The following ANK1 variants were observed in gnomAD, a reference collection of about 807,000 sequenced individuals.
ANK1 encodes the protein ankyrin-1.
A neutral mutation model predicts 210.4 loss-of-function variants in ANK1; 51 were observed. The ratio of observed to expected loss-of-function variants is 0.24; its 90% CI spans 0.19 to 0.31. The LOEUF is 0.31. Ranked by LOEUF, ANK1 falls within the 10% of genes least tolerant of loss-of-function variation. The pLI is 1.00. For synonymous variants in ANK1, 967 were observed against 1,025.9 expected, an observed-to-expected ratio of 0.94 and a Z score of 1.10; for missense variants, 2,051 against 2,504.4, an observed-to-expected ratio of 0.82 and a Z score of 3.86.
At chr8:41,741,494 C>T (rs477541) in intron 2 of ANK1, among the ~76,000 whole-genome samples, 1 of 151,510 alleles carries the variant, frequency 6.6e-6, no homozygotes, top group African/African-American at 2.4e-5. Context: ...GTGGGAGGAT[C>T]CCTTGAGCCC....
intron 8 of ANK1, 88 bp from the exon 9 acceptor site, chr8:41,723,311 GC>G: frequency 7.1e-7 from 1 of 1,407,050 alleles, no homozygotes; most frequent in Non-Finnish European, 1.0e-6. Context: ...CATCATCCCA[GC>G]CCACGCAAGT....
At chr8:41,803,068 G>GA (rs1563810835) in intron 1 of ANK1, among the ~76,000 whole-genome samples, 4 of 63,122 alleles carry the variant, frequency 6.3e-5, no homozygotes, top group African/African-American at 2.9e-4. Flanking sequence ...AGAAAGGAAG[G>GA]AAGGAAGGAA....
At chr8:41,693,819 C>T in intron 29 of ANK1, 79 bp downstream of exon 29, 3 of 1,489,970 alleles carry the variant, frequency 2.0e-6, no homozygotes, top group Non-Finnish European at 2.7e-6. Flanking sequence ...CTGGCCTCGC[C>T]TTCTCGAGTC....
intron 37 of ANK1, among the ~76,000 whole-genome samples, chr8:41,678,526 A>T (rs1814935782): frequency 1.3e-5 from 2 of 152,236 alleles, no homozygotes; most frequent in African/African-American, 4.8e-5. Flanking sequence ...ATTGCCCCAT[A>T]GCTCACTTTG....
At chr8:41,675,622 A>G (rs1813871508) in intron 37 of ANK1, among the ~76,000 whole-genome samples, 1 of 152,216 alleles carries the variant, frequency 6.6e-6, no homozygotes, top group Non-Finnish European at 1.5e-5. Context: ...ATAAATGTGT[A>G]TCTTTAAAAG....
chr8:41,668,654 C>A (rs1470270960), intron 38 of ANK1, 90 bp from the exon 39 acceptor site: 2 of 1,370,434 alleles, frequency 1.5e-6, no homozygotes, highest in East Asian at 2.4e-5. Flanking sequence ...TAGACACTCT[C>A]CCCACCCAGA....
At chr8:41,742,539 C>G (rs973831377) in intron 2 of ANK1, among the ~76,000 whole-genome samples, 1 of 152,220 alleles carries the variant, frequency 6.6e-6, no homozygotes. Flanking sequence ...AAATTCACTG[C>G]TCAGTCCCCC....
chr8:41,655,802 C>G (rs779825753), intron 42 of ANK1, 49 bp from the exon 43 acceptor site: 2 of 1,596,048 alleles, frequency 1.3e-6, no homozygotes, highest in Non-Finnish European at 1.7e-6. Flanking sequence ...AAAAGTGCAA[C>G]GTCCAGCAAA....
At chr8:41,663,997 CT>C (rs915812461) in intron 39 of ANK1, 6 of 616,912 alleles carry the variant, frequency 9.7e-6, no homozygotes, top group African/African-American at 1.8e-5. Context: ...ACAACACCCC[CT>C]GGGAACCTGC....
At chr8:41,761,249 AC>A (rs1840353319) in intron 1 of ANK1, among the ~76,000 whole-genome samples, 1 of 152,116 alleles carries the variant, frequency 6.6e-6, no homozygotes. Context: ...CTACACATAC[AC>A]ACCCATACAC....
chr8:41,847,926 T>C (rs1458224422), intron 1 of ANK1, among the ~76,000 whole-genome samples: 1 of 152,164 alleles, frequency 6.6e-6, no homozygotes, highest in Non-Finnish European at 1.5e-5. Flanking sequence ...CCCAGCACTT[T>C]GGGAGGCCGA....
chr8:41,833,942 C>T (rs1451415378), intron 1 of ANK1, among the ~76,000 whole-genome samples: 2 of 152,118 alleles, frequency 1.3e-5, no homozygotes. Context: ...GAAGAGGCTG[C>T]GGAGGGACGG....
At chr8:41,680,524 C>A (rs1815638584) in intron 37 of ANK1, among the ~76,000 whole-genome samples, 1 of 150,188 alleles carries the variant, frequency 6.7e-6, no homozygotes, top group South Asian at 2.1e-4. Flanking sequence ...GAGATCGCAC[C>A]ATTGCACTCC....
At chr8:41,712,925 G>A (rs1278518131) in intron 16 of ANK1, among the ~76,000 whole-genome samples, 1 of 152,156 alleles carries the variant, frequency 6.6e-6, no homozygotes, top group Non-Finnish European at 1.5e-5. Flanking sequence ...ATCGCAGCGG[G>A]GCCGTGTGCT....
At chr8:41,723,449 G>A in intron 8 of ANK1, 86 bp downstream of exon 8, 5 of 1,488,916 alleles carry the variant, frequency 3.4e-6, no homozygotes, top group South Asian at 1.1e-5. Context: ...CCCTAACTAG[G>A]TCACCAAGGG....
intron 1 of ANK1, among the ~76,000 whole-genome samples, chr8:41,778,493 A>G (rs7006815): frequency 0.33 from 50,003 of 152,056 alleles, 8,494 homozygotes; most frequent in African/African-American, 0.37. Flanking sequence ...ATGCTTTTTC[A>G]AAGGCCGCTG....
intron 1 of ANK1, among the ~76,000 whole-genome samples, chr8:41,788,550 C>CCT (rs1160135858): frequency 6.6e-6 from 1 of 152,224 alleles, no homozygotes; most frequent in Non-Finnish European, 1.5e-5. Flanking sequence ...GCTGCAATCT[C>CCT]AGTTTCCTCA....
In ANK1 at chr8:41,690,263, G is replaced by A; in HGVS notation, c.4068C>T (p.Leu1356=). 1 of 1,614,240 alleles carries A rather than the reference G, an allele frequency of 6.2e-7. No homozygotes were observed. The highest frequency in any genetic ancestry group is 8.5e-7 in the Non-Finnish European group (1 of 1,180,050). Residue 1356 remains leucine (L), a synonymous_variant, in exon 33 of 43, where the codon CTC becomes CTT. Transcript: ENST00000289734. ...GGGGCATGGTGATGTTCAGGTGGCAGAGAATGTGCTGGGTGTCCTCGTACT... is the reference window on the plus strand; with the variant it reads ...GGGGCATGGTGATGTTCAGGTGGCAAAGAATGTGCTGGGTGTCCTCGTACT... ...AMKYEDTQHI[L]CHLNITMPPC...
At chr8:41,765,498 C>T (rs1002531064) in intron 1 of ANK1, among the ~76,000 whole-genome samples, 2 of 152,162 alleles carry the variant, frequency 1.3e-5, no homozygotes, top group African/African-American at 4.8e-5. Flanking sequence ...CTTCCCACCT[C>T]CACCTCCCAA....
Sources: gnomAD v4.1 joint callset for allele counts (sites outside exome capture counted in the v4.1 genomes callset) on GRCh38, gnomAD v4.1.1 for gene constraint, MANE v1.5 for transcripts, NCBI Gene and HGNC (gene_info 2026-07-23, HGNC 2026-07-21) for gene names.